The following FAM227B variants were observed in gnomAD, a reference collection of about 807,000 sequenced individuals.
FAM227B encodes protein FAM227B.
Under a neutral mutation model 73.8 loss-of-function variants are expected in FAM227B, and 88 were observed. That is an observed-to-expected ratio of 1.19 (90% confidence interval 1.00 to 1.42). The LOEUF (loss-of-function observed/expected upper bound fraction) is 1.42. Among genes scored for constraint, FAM227B ranks in the 40% most tolerant of loss-of-function variants. FAM227B has a pLI of 0.00. For synonymous variants in FAM227B, 210 were observed against 190.5 expected (o/e 1.10, Z -0.84); for missense variants, 632 against 590.9 (o/e 1.07, Z -0.72).
At position 49,522,218 on chromosome 15, in the gene FAM227B, C is replaced by T. The variant is rs188484300; in HGVS notation, c.875-13870G>A. On this transcript the variant is annotated intron_variant, in intron 10 of 15. Transcript: ENST00000299338. ...AGTGTCTTAGCCCCTGGAGATCACCCAGGAACAAACCAAAATGATCATACA... is the reference window on the plus strand; with the variant it reads ...AGTGTCTTAGCCCCTGGAGATCACCTAGGAACAAACCAAAATGATCATACA... Among the ~76,000 whole-genome samples the T allele has an allele frequency of 2.8e-3, 433 of 152,208 alleles. 6 individuals are homozygous for T. The highest frequency in any genetic ancestry group is 0.027 in the South Asian group (128 of 4,822).
intron 10 of FAM227B, among the ~76,000 whole-genome samples, chr15:49,529,459 G>C (rs562748346): frequency 8.4e-4 from 127 of 151,668 alleles, no homozygotes; most frequent in Admixed American, 1.3e-3. Context: ...ACATGTACCT[G>C]CATCAAAAAT....
At chr15:49,551,022 G>T (rs926915884) in intron 9 of FAM227B, among the ~76,000 whole-genome samples, 12 of 152,250 alleles carry the variant, frequency 7.9e-5, no homozygotes, top group Non-Finnish European at 1.8e-4. Context: ...GACTCCGTCT[G>T]CAATCCCGGC....
intron 11 of FAM227B, among the ~76,000 whole-genome samples, chr15:49,466,347 G>C (rs917974994): frequency 6.6e-6 from 1 of 152,152 alleles, no homozygotes; most frequent in Non-Finnish European, 1.5e-5. Context: ...CCAGGAACTG[G>C]TAGGCAGAGC....
intron 10 of FAM227B, among the ~76,000 whole-genome samples, chr15:49,532,717 G>A (rs1004730975): frequency 6.6e-6 from 1 of 151,670 alleles, no homozygotes; most frequent in South Asian, 2.1e-4. Context: ...CCATTTTATT[G>A]TTTAATCAGA....
chr15:49,559,941 C>CA (rs1567580203), intron 9 of FAM227B, among the ~76,000 whole-genome samples: 59 of 127,254 alleles, frequency 4.6e-4, no homozygotes, highest in African/African-American at 1.9e-3. Context: ...AAGACTGTCT[C>CA]GAAAAAAAAA....
intron 11 of FAM227B, among the ~76,000 whole-genome samples, chr15:49,416,061 G>A (rs1461905195): frequency 6.6e-6 from 1 of 151,720 alleles, no homozygotes; most frequent in East Asian, 1.9e-4. Context: ...ACCTCTTCAG[G>A]TTCATTCACC....
intron 11 of FAM227B, among the ~76,000 whole-genome samples, chr15:49,413,184 T>G (rs545008321): frequency 2.7e-4 from 41 of 152,246 alleles, no homozygotes; most frequent in African/African-American, 8.7e-4. Flanking sequence ...TCCCACATGT[T>G]GTGGGAGGGA....
intron 5 of FAM227B, among the ~76,000 whole-genome samples, chr15:49,585,367 A>G (rs1037671307): frequency 1.7e-4 from 26 of 152,250 alleles, no homozygotes; most frequent in African/African-American, 6.0e-4. Context: ...ATTATAAATC[A>G]TGCTGCTATA....
intron 10 of FAM227B, among the ~76,000 whole-genome samples, chr15:49,534,663 T>C (rs951179224): frequency 1.3e-5 from 2 of 151,790 alleles, no homozygotes; most frequent in African/African-American, 2.4e-5. Context: ...TTCTGTCTTA[T>C]GCAAATGGGA....
intron 11 of FAM227B, among the ~76,000 whole-genome samples, chr15:49,397,181 T>G (rs1243325145): frequency 6.6e-6 from 1 of 151,952 alleles, no homozygotes; most frequent in African/African-American, 2.4e-5. Context: ...CACCAAGGCT[T>G]GAGAACAACG....
chr15:49,546,649 T>C (rs1291417696), intron 9 of FAM227B, among the ~76,000 whole-genome samples: 2 of 152,232 alleles, frequency 1.3e-5, no homozygotes, highest in East Asian at 3.8e-4. Flanking sequence ...ATGATCGCCA[T>C]TCTAACTGGT....
chr15:49,391,821 G>C (rs2047227621), intron 11 of FAM227B, among the ~76,000 whole-genome samples: 1 of 152,064 alleles, frequency 6.6e-6, no homozygotes, highest in Non-Finnish European at 1.5e-5. Context: ...TTCCTAAAAA[G>C]AGGTGTCTCT....
intron 13 of FAM227B, among the ~76,000 whole-genome samples, chr15:49,356,175 G>C (rs1170315360): frequency 1.3e-5 from 2 of 151,874 alleles, no homozygotes; most frequent in Non-Finnish European, 2.9e-5. Flanking sequence ...GGAAGAAACT[G>C]CATCAACTAA....
intron 11 of FAM227B, among the ~76,000 whole-genome samples, chr15:49,390,094 A>G (rs2047115946): frequency 6.6e-6 from 1 of 152,044 alleles, no homozygotes; most frequent in African/African-American, 2.4e-5. Context: ...ATAAGTATGA[A>G]CACGGGGCTT....
chr15:49,368,268 A>G (rs1260987044), intron 12 of FAM227B, among the ~76,000 whole-genome samples: 1 of 152,074 alleles, frequency 6.6e-6, no homozygotes, highest in Non-Finnish European at 1.5e-5. Flanking sequence ...TTCCCTTCTT[A>G]TGGCAGAAAT....
intron 10 of FAM227B, among the ~76,000 whole-genome samples, chr15:49,533,745 T>C (rs1016338351): frequency 2.0e-5 from 3 of 151,884 alleles, no homozygotes; most frequent in Admixed American, 2.0e-4. Flanking sequence ...CTCTTGTCAC[T>C]TTCTAAGTGC....
At chr15:49,567,049 G>A (rs1567595378) in intron 9 of FAM227B, among the ~76,000 whole-genome samples, 1 of 152,076 alleles carries the variant, frequency 6.6e-6, no homozygotes, top group Non-Finnish European at 1.5e-5. Context: ...TAAGGGCCCT[G>A]TACTAAAACA....
At chr15:49,381,161 A>G (rs1361250921) in intron 11 of FAM227B, among the ~76,000 whole-genome samples, 6 of 152,126 alleles carry the variant, frequency 3.9e-5, no homozygotes, top group Non-Finnish European at 8.8e-5. Context: ...GATGGTGGTA[A>G]GCCATTCATG....
At chr15:49,470,350 A>C (rs2054632537) in intron 11 of FAM227B, among the ~76,000 whole-genome samples, 1 of 152,148 alleles carries the variant, frequency 6.6e-6, no homozygotes, top group Admixed American at 6.5e-5. Flanking sequence ...GTGCTGAGCA[A>C]ATTTCTTTTT....
Sources: gnomAD v4.1 joint callset for allele counts (sites outside exome capture counted in the v4.1 genomes callset) on GRCh38, gnomAD v4.1.1 for gene constraint, MANE v1.5 for transcripts, NCBI Gene and HGNC (gene_info 2026-07-23, HGNC 2026-07-21) for gene names.